The following EYA1 variants were observed in gnomAD, a reference collection of about 807,000 sequenced individuals.
EYA1 encodes the protein protein phosphatase EYA1.
In EYA1, 16 loss-of-function variants were observed where a neutral mutation model predicts 82.0. The ratio of observed to expected loss-of-function variants is 0.20; its 90% CI spans 0.13 to 0.30. The LOEUF (loss-of-function observed/expected upper bound fraction) is 0.30. EYA1 is among the 10% of genes least tolerant of loss of function. The pLI, the probability that EYA1 is intolerant of heterozygous loss-of-function variation, is 1.00. For synonymous variants in EYA1, 261 were observed against 264.4 expected, an observed-to-expected ratio of 0.99 and a Z score of 0.12; for missense variants, 633 against 730.7, an observed-to-expected ratio of 0.87 and a Z score of 1.54.
intron 2 of EYA1, among the ~76,000 whole-genome samples, chr8:71,402,290 T>C (rs1830000512): frequency 6.6e-6 from 1 of 152,012 alleles, no homozygotes. Context: ...AAAGACGAAG[T>C]CCAGGGTTTA....
intron 1 of EYA1, among the ~76,000 whole-genome samples, chr8:71,546,769 G>A (rs1815639222): frequency 1.3e-5 from 2 of 152,164 alleles, no homozygotes; most frequent in African/African-American, 4.8e-5. Context: ...CTCCCACAGT[G>A]CTGGGATTAC....
chr8:71,278,558 C>G (rs12678863), intron 9 of EYA1, among the ~76,000 whole-genome samples: 15,397 of 152,050 alleles, frequency 0.1, 1,171 homozygotes, highest in East Asian at 0.43. Context: ...AATTATATTC[C>G]CTCTGTGAAC....
At chr8:71,215,802 T>C (rs1471304186) in intron 14 of EYA1, 74 bp from the exon 15 acceptor site, 1 of 970,074 alleles carries the variant, frequency 1.0e-6, no homozygotes, top group Non-Finnish European at 1.6e-6. Context: ...TAATTAACAT[T>C]TAAAAAGTAC....
intron 9 of EYA1, among the ~76,000 whole-genome samples, chr8:71,294,048 C>T (rs1295751774): frequency 6.6e-6 from 1 of 151,092 alleles, no homozygotes; most frequent in African/African-American, 2.4e-5. Flanking sequence ...TCAACAAATA[C>T]CCACCCCCAA....
chr8:71,325,603 G>GT (rs1453143718), intron 4 of EYA1, among the ~76,000 whole-genome samples: 2 of 152,114 alleles, frequency 1.3e-5, no homozygotes, highest in South Asian at 2.1e-4. Flanking sequence ...ATTATTTTAA[G>GT]TTTTTTTAAT....
intron 17 of EYA1, among the ~76,000 whole-genome samples, chr8:71,208,739 A>C (rs1808150407): frequency 4.0e-5 from 2 of 49,506 alleles, no homozygotes; most frequent in African/African-American, 5.1e-4. Context: ...AAAAAAAAGA[A>C]AAAAAAATCT....
chr8:71,405,988 C>T (rs1057471353), intron 2 of EYA1, among the ~76,000 whole-genome samples: 1 of 152,168 alleles, frequency 6.6e-6, no homozygotes, highest in African/African-American at 2.4e-5. Context: ...ATAGGGATAT[C>T]ATTAACAAAA....
intron 12 of EYA1, among the ~76,000 whole-genome samples, chr8:71,237,133 C>A (rs949979604): frequency 6.6e-6 from 1 of 151,892 alleles, no homozygotes; most frequent in South Asian, 2.1e-4. Context: ...CTTACTGCAA[C>A]CTCCGCCTCC....
Position 71,271,888 on chromosome 8 carries a change from G to A in EYA1, c.836C>T (p.Thr279Ile). Residue 279 changes from threonine (T) to isoleucine (I), a missense_variant, in exon 10 of 18, where the codon ACA becomes ATA. Transcript: ENST00000340726. ...AATGGGTGTTGATGGGCTGTGGATT[G>A]TGCTGTACTCTGCAGGAATATAGGA... ...AVTDPTAEYS[T>I]IHSPSTPIKD... 6.2e-7 allele frequency: 1 copy of A among 1,614,184 alleles called. No individual in the cohort carries two copies. The highest frequency in any genetic ancestry group is 1.1e-5 in the South Asian group (1 of 91,086).
chr8:71,341,481 C>T (rs6983443), intron 3 of EYA1, among the ~76,000 whole-genome samples: 137,094 of 152,262 alleles, frequency 0.9, 61,788 homozygotes, highest in Middle Eastern at 0.96. Context: ...GCATAAAGTA[C>T]GAAAGTGGAA....
chr8:71,521,794 G>A (rs1245334743), intron 2 of EYA1, among the ~76,000 whole-genome samples: 1 of 152,056 alleles, frequency 6.6e-6, no homozygotes, highest in Non-Finnish European at 1.5e-5. Flanking sequence ...AAGGCTGCAC[G>A]TTTTCAAAGG....
At chr8:71,435,864 A>G (rs1805973641) in intron 2 of EYA1, among the ~76,000 whole-genome samples, 1 of 152,140 alleles carries the variant, frequency 6.6e-6, no homozygotes, top group African/African-American at 2.4e-5. Context: ...ATAGTGGTCT[A>G]CAGTGCCAAT....
chr8:71,537,895 C>T (rs764322820), intron 1 of EYA1, among the ~76,000 whole-genome samples: 2 of 152,130 alleles, frequency 1.3e-5, no homozygotes, highest in Non-Finnish European at 2.9e-5. Flanking sequence ...CTATTCTGTA[C>T]TAAATTTCAT....
chr8:71,427,620 T>C (rs1165454188), intron 2 of EYA1, among the ~76,000 whole-genome samples: 2 of 152,150 alleles, frequency 1.3e-5, no homozygotes, highest in African/African-American at 2.4e-5. Context: ...GTGAGGTCAC[T>C]GACTTAAAAA....
intron 2 of EYA1, among the ~76,000 whole-genome samples, chr8:71,401,450 A>G (rs1049246742): frequency 6.6e-6 from 1 of 152,236 alleles, no homozygotes; most frequent in African/African-American, 2.4e-5. Flanking sequence ...CATTACTGCA[A>G]GTAAATAATT....
chr8:71,464,937 C>T (rs1037687556), intron 2 of EYA1, among the ~76,000 whole-genome samples: 1 of 152,136 alleles, frequency 6.6e-6, no homozygotes, highest in African/African-American at 2.4e-5. Flanking sequence ...TTACAACTTC[C>T]CCCTGAGTAA....
chr8:71,292,078 T>A, intron 9 of EYA1, among the ~76,000 whole-genome samples: 1 of 152,204 alleles, frequency 6.6e-6, no homozygotes, highest in Non-Finnish European at 1.5e-5. Flanking sequence ...ATAAAAATGG[T>A]TTAAGTGATC....
chr8:71,218,684 A>C (rs950283540), intron 12 of EYA1, among the ~76,000 whole-genome samples: 2 of 152,212 alleles, frequency 1.3e-5, no homozygotes, highest in Non-Finnish European at 2.9e-5. Context: ...TCATTTATTA[A>C]TGTAATCTTA....
chr8:71,278,046 A>C (rs1189252569), intron 9 of EYA1, among the ~76,000 whole-genome samples: 1 of 152,202 alleles, frequency 6.6e-6, no homozygotes, highest in African/African-American at 2.4e-5. Context: ...AGTTCCCCTG[A>C]GCTAGTAACT....
Sources: gnomAD v4.1 joint callset for allele counts (sites outside exome capture counted in the v4.1 genomes callset) on GRCh38, gnomAD v4.1.1 for gene constraint, MANE v1.5 for transcripts, NCBI Gene and HGNC (gene_info 2026-07-23, HGNC 2026-07-21) for gene names.